Variants in ARHGAP15 observed in about 807,000 individuals in gnomAD.
ARHGAP15 encodes the protein Rho GTPase activating protein 15, also known as rho GTPase-activating protein 15.
A neutral mutation model predicts 63.7 loss-of-function variants in ARHGAP15; 51 were observed. The ratio of observed to expected loss-of-function variants is 0.80; its 90% CI spans 0.64 to 1.01. The LOEUF (loss-of-function observed/expected upper bound fraction) is 1.01, where lower values mean the gene tolerates loss of function less well. Ranked by LOEUF, ARHGAP15 falls within the 50% of genes least tolerant of loss-of-function variation. ARHGAP15 has a pLI of 0.00. For missense variants in ARHGAP15, 560 were observed against 564.6 expected, an observed-to-expected ratio of 0.99 and a Z score of 0.08; for synonymous variants, 191 against 193.8, an observed-to-expected ratio of 0.99 and a Z score of 0.12.
intron 2 of ARHGAP15, among the ~76,000 whole-genome samples, chr2:143,166,001 A>AGAGAGAAAGAAAGAAAGAAGGAAG (rs1690502282): frequency 9.9e-6 from 1 of 101,110 alleles, no homozygotes; most frequent in Non-Finnish European, 2.0e-5. Flanking sequence ...AAAGAAAGAA[A>AGAGAGAAAGAAAGAAAGAAGGAAG]GAAGGAAGGA....
intron 13 of ARHGAP15, among the ~76,000 whole-genome samples, chr2:143,723,535 A>G (rs1685153746): frequency 6.6e-6 from 1 of 152,192 alleles, no homozygotes; most frequent in African/African-American, 2.4e-5. Flanking sequence ...AAAGGACTGG[A>G]AAGAGTCCCA....
At chr2:143,745,426 GC>G (rs1280182305) in intron 13 of ARHGAP15, among the ~76,000 whole-genome samples, 2 of 152,120 alleles carry the variant, frequency 1.3e-5, no homozygotes, top group African/African-American at 4.8e-5. Context: ...TTTGTCCAAT[GC>G]CACCATTCTT....
intron 6 of ARHGAP15, among the ~76,000 whole-genome samples, chr2:143,331,615 A>T (rs928210898): frequency 6.6e-6 from 1 of 152,212 alleles, no homozygotes; most frequent in Non-Finnish European, 1.5e-5. Flanking sequence ...AGCAAGGATT[A>T]TATAGACACA....
intron 6 of ARHGAP15, among the ~76,000 whole-genome samples, chr2:143,311,923 G>T (rs1033130010): frequency 6.6e-6 from 1 of 152,066 alleles, no homozygotes; most frequent in African/African-American, 2.4e-5. Flanking sequence ...ATGGCAATGC[G>T]CCTCAAGAAC....
chr2:143,600,388 A>T (rs1697720416), intron 11 of ARHGAP15, among the ~76,000 whole-genome samples: 1 of 152,146 alleles, frequency 6.6e-6, no homozygotes, highest in Admixed American at 6.6e-5. Context: ...TTGGAATTCC[A>T]AGCATTGCAT....
intron 11 of ARHGAP15, 99 bp from the exon 12 acceptor site, chr2:143,624,024 AGGCTGTTAAC>A: frequency 7.5e-7 from 1 of 1,340,462 alleles, no homozygotes; most frequent in East Asian, 2.3e-5. Context: ...TAGGTGCAGA[AGGCTGTTAAC>A]GGTTGCTGAT....
At chr2:143,734,194 G>T (rs1375643766) in intron 13 of ARHGAP15, among the ~76,000 whole-genome samples, 1 of 152,132 alleles carries the variant, frequency 6.6e-6, no homozygotes, top group African/African-American at 2.4e-5. Flanking sequence ...GCAGCAAAGG[G>T]TGAATGAGAT....
chr2:143,394,842 T>G (rs1687690409), intron 6 of ARHGAP15, among the ~76,000 whole-genome samples: 1 of 152,164 alleles, frequency 6.6e-6, no homozygotes, highest in Admixed American at 6.6e-5. Context: ...TGAGACAGTT[T>G]ATTGATCAGC....
chr2:143,296,612 G>C (rs1682643094), intron 6 of ARHGAP15, among the ~76,000 whole-genome samples: 1 of 151,856 alleles, frequency 6.6e-6, no homozygotes, highest in Non-Finnish European at 1.5e-5. Flanking sequence ...CTATGAGATG[G>C]GGGTCTTACC....
chr2:143,278,627 T>C (rs146124451), intron 6 of ARHGAP15, among the ~76,000 whole-genome samples: 19 of 152,272 alleles, frequency 1.2e-4, no homozygotes, highest in Admixed American at 2.0e-4. Flanking sequence ...CATTCCCTAA[T>C]GTAGAGTTCC....
At chr2:143,718,772 T>C (rs1241768920) in intron 13 of ARHGAP15, among the ~76,000 whole-genome samples, 1 of 152,236 alleles carries the variant, frequency 6.6e-6, no homozygotes, top group Admixed American at 6.5e-5. Flanking sequence ...ACATCATCTG[T>C]CCACACATTT....
chr2:143,392,745 G>C (rs540504230), intron 6 of ARHGAP15, among the ~76,000 whole-genome samples: 2 of 152,206 alleles, frequency 1.3e-5, no homozygotes, highest in African/African-American at 4.8e-5. Context: ...GGGTTTTTGG[G>C]AGTATAGAAA....
intron 13 of ARHGAP15, among the ~76,000 whole-genome samples, chr2:143,735,346 G>A (rs755027995): frequency 6.6e-6 from 1 of 152,116 alleles, no homozygotes; most frequent in Non-Finnish European, 1.5e-5. Flanking sequence ...ACAATCAGAC[G>A]TGACTTTGGG....
chr2:143,355,139 A>G (rs1270576805), intron 6 of ARHGAP15, among the ~76,000 whole-genome samples: 1 of 152,206 alleles, frequency 6.6e-6, no homozygotes, highest in African/African-American at 2.4e-5. Context: ...CTAGCAATAA[A>G]TGTGATGAAG....
intron 10 of ARHGAP15, among the ~76,000 whole-genome samples, chr2:143,549,542 G>A (rs1019675637): frequency 4.6e-5 from 7 of 151,942 alleles, no homozygotes; most frequent in African/African-American, 1.5e-4. Context: ...TTGTCAAGAG[G>A]GCAGTAAAGA....
At position 143,651,836 on chromosome 2, in the gene ARHGAP15, C is replaced by CTTAT. The variant is rs1380996446; in HGVS notation, c.1138+27572_1138+27575dup. The stretch of plus-strand genomic sequence containing the variant: ...CAGTAATATTGGGCATCTTTTCATG[C>CTTAT]TTATTTGCCATCTTCATGTTTTCTT... On this transcript the variant is annotated intron_variant, in intron 12 of 13. Coordinates refer to ENST00000295095, the MANE Select transcript of ARHGAP15 (RefSeq NM_018460.4). Among the ~76,000 whole-genome samples the CTTAT allele has an allele frequency of 9.9e-5, 15 of 152,044 alleles. No individual in the cohort carries two copies. In the East Asian group the frequency reaches 2.1e-3, roughly 22 times the overall value.
chr2:143,163,610 G>A (rs1218386787), intron 2 of ARHGAP15, among the ~76,000 whole-genome samples: 1 of 151,914 alleles, frequency 6.6e-6, no homozygotes, highest in Admixed American at 6.6e-5. Context: ...AGAGAAACAA[G>A]TAGACTTCCA....
chr2:143,550,222 G>C (rs1390528841), intron 10 of ARHGAP15, among the ~76,000 whole-genome samples: 1 of 152,052 alleles, frequency 6.6e-6, no homozygotes, highest in Non-Finnish European at 1.5e-5. Context: ...CTTAACAGCA[G>C]GGATGCTAGA....
At chr2:143,714,618 C>CTT (rs1377077859) in intron 13 of ARHGAP15, among the ~76,000 whole-genome samples, 1 of 152,194 alleles carries the variant, frequency 6.6e-6, no homozygotes, top group Non-Finnish European at 1.5e-5. Flanking sequence ...AAACAGAATG[C>CTT]TTTTACAGCA....
Sources: allele counts gnomAD v4.1 joint callset (sites outside exome capture counted in the v4.1 genomes callset), GRCh38; gene constraint gnomAD v4.1.1; transcripts MANE v1.5; gene names NCBI Gene and HGNC (gene_info 2026-07-23, HGNC 2026-07-21).